The following NLGN4X variants were observed in gnomAD, a reference collection of about 807,000 sequenced individuals.
NLGN4X encodes the protein neuroligin-4, X-linked.
NLGN4X carries 3 observed loss-of-function variants against 40.3 expected under a neutral mutation model. The ratio of observed to expected loss-of-function variants is 0.07; its 90% CI spans 0.03 to 0.19. NLGN4X has a LOEUF of 0.19. Among genes scored for constraint, NLGN4X ranks in the 10% least tolerant of loss-of-function variants. The pLI, the probability that NLGN4X is intolerant of heterozygous loss-of-function variation, is 1.00. For missense variants in NLGN4X, 382 were observed against 708.3 expected (o/e 0.54, Z 5.23); for synonymous variants, 270 against 306.8 (o/e 0.88, Z 1.25).
chrX:6,217,259 C>T (rs1268477261), intron 1 of NLGN4X, among the ~76,000 whole-genome samples: 1 of 111,663 alleles, frequency 9.0e-6, no homozygotes, highest in Non-Finnish European at 1.9e-5. Context: ...TTTATAACAT[C>T]AGGATACATG....
chrX:5,925,851 C>CAT (rs774766613), intron 3 of NLGN4X, among the ~76,000 whole-genome samples: 10,044 of 35,962 alleles, frequency 0.28, 1,477 homozygotes, highest in Non-Finnish European at 0.3. Flanking sequence ...TATACATACA[C>CAT]ATATATATAT....
At chrX:6,182,312 G>T (rs866103089) in intron 1 of NLGN4X, among the ~76,000 whole-genome samples, 1 of 111,758 alleles carries the variant, frequency 8.9e-6, no homozygotes, top group East Asian at 2.8e-4. Flanking sequence ...ATGGAGCAAG[G>T]AGGAGGGAAA....
At chrX:6,081,493 C>A (rs1187582825) in intron 2 of NLGN4X, among the ~76,000 whole-genome samples, 4 of 112,317 alleles carry the variant, frequency 3.6e-5, no homozygotes, top group Non-Finnish European at 7.5e-5. Flanking sequence ...TGGCCTCACT[C>A]CTGGTAAAGG....
At chrX:6,140,031 C>T (rs751873565) in intron 2 of NLGN4X, among the ~76,000 whole-genome samples, 90 of 111,120 alleles carry the variant, frequency 8.1e-4, no homozygotes, top group African/African-American at 2.8e-3. Flanking sequence ...TAGATGTTCC[C>T]TTGTTGAGTG....
chrX:6,075,602 C>T (rs1326758245), intron 2 of NLGN4X, among the ~76,000 whole-genome samples: 1 of 111,167 alleles, frequency 9.0e-6, no homozygotes, highest in Non-Finnish European at 1.9e-5. Context: ...GAGGTGGATC[C>T]CTCATGAGCA....
chrX:6,006,605 C>T (rs1191470732), intron 3 of NLGN4X, among the ~76,000 whole-genome samples: 1 of 111,326 alleles, frequency 9.0e-6, no homozygotes, highest in African/African-American at 3.3e-5. Context: ...CCCAAATGTG[C>T]TTCATTTCAA....
At chrX:6,124,017 T>C (rs1442443979) in intron 2 of NLGN4X, among the ~76,000 whole-genome samples, 1 of 110,555 alleles carries the variant, frequency 9.0e-6, no homozygotes, top group Non-Finnish European at 1.9e-5. Context: ...AATAAATGGA[T>C]ACATAAACTT....
intron 2 of NLGN4X, among the ~76,000 whole-genome samples, chrX:6,129,911 C>T (rs1159841751): frequency 1.9e-5 from 2 of 104,769 alleles, no homozygotes; most frequent in African/African-American, 7.1e-5. Flanking sequence ...TGAGACACAG[C>T]GTCTTGCTCT....
intron 1 of NLGN4X, among the ~76,000 whole-genome samples, chrX:6,162,767 G>A (rs1161643414): frequency 8.9e-6 from 1 of 111,871 alleles, no homozygotes; most frequent in Non-Finnish European, 1.9e-5. Flanking sequence ...AGTAGCAGAT[G>A]TAACTCAAGG....
intron 2 of NLGN4X, among the ~76,000 whole-genome samples, chrX:6,084,256 T>C (rs1267230060): frequency 2.7e-5 from 3 of 111,818 alleles, no homozygotes; most frequent in African/African-American, 6.5e-5. Flanking sequence ...ATTGAAAGGA[T>C]AGAGAACCAG....
chrX:5,920,513 G>C (rs1342459909), intron 3 of NLGN4X, among the ~76,000 whole-genome samples: 1 of 111,960 alleles, frequency 8.9e-6, no homozygotes, highest in Non-Finnish European at 1.9e-5. Flanking sequence ...GTGGCAGTCA[G>C]GGTGGAAGAC....
At chrX:5,988,933 T>G (rs899765770) in intron 3 of NLGN4X, among the ~76,000 whole-genome samples, 2 of 110,395 alleles carry the variant, frequency 1.8e-5, no homozygotes, top group Non-Finnish European at 3.8e-5. Context: ...CTGGGCGTGG[T>G]GGCACGTGCC....
chrX:5,961,624 A>G (rs1388771481), intron 3 of NLGN4X, among the ~76,000 whole-genome samples: 1 of 111,887 alleles, frequency 8.9e-6, no homozygotes, highest in African/African-American at 3.2e-5. Context: ...AATTCCATAA[A>G]AGTCAGCACA....
Position 6,095,440 on chromosome X carries a change from A to T in NLGN4X, c.472+55555T>A, listed in dbSNP as rs2038748349. On this transcript the variant is annotated intron_variant, in intron 2 of 5. Transcript: ENST00000381095. ...AAAGAAGAACTAGCCTTTCCACAAT[A>T]TCTATTGATTAATATGAAATACTAA... Among the ~76,000 whole-genome samples, 5 of 111,921 alleles carry T rather than the reference A, an allele frequency of 4.5e-5. No homozygotes were observed. In the Admixed American group the frequency reaches 4.8e-4, roughly 11 times the overall value.
chrX:5,941,453 A>G (rs1601924217), intron 3 of NLGN4X, among the ~76,000 whole-genome samples: 1 of 111,602 alleles, frequency 9.0e-6, no homozygotes, highest in South Asian at 3.7e-4. Context: ...TGGGATACAA[A>G]TAGGATAAAA....
chrX:6,046,994 ATTAT>A (rs979685382), intron 2 of NLGN4X, among the ~76,000 whole-genome samples: 4 of 108,631 alleles, frequency 3.7e-5, no homozygotes, highest in African/African-American at 1.3e-4. Flanking sequence ...TTATACATAC[ATTAT>A]TTATTTCAAT....
At position 6,167,935 on chromosome X, in the gene NLGN4X, T is replaced by C. The variant is rs765970169; in HGVS notation, c.-305-16164A>G. ...TTTCTTAAATATGTCCGTGGGAAGA[T>C]TTCCTTCTCCCTATCACTTCTTTCT... On this transcript the variant is annotated intron_variant, in intron 1 of 5. Transcript: ENST00000381095. Among the ~76,000 whole-genome samples the C allele has an allele frequency of 4.5e-5, 5 of 111,995 alleles. No individual in the cohort carries two copies. In the East Asian group the frequency reaches 8.4e-4, roughly 19 times the overall value.
intron 2 of NLGN4X, among the ~76,000 whole-genome samples, chrX:6,142,665 CAAG>C (rs1479279781): frequency 8.9e-6 from 1 of 112,108 alleles, no homozygotes; most frequent in Non-Finnish European, 1.9e-5. Flanking sequence ...TGTGTCTAGA[CAAG>C]AAGAGAAAGA....
chrX:6,110,751 A>G (rs976021737), intron 2 of NLGN4X, among the ~76,000 whole-genome samples: 1 of 111,978 alleles, frequency 8.9e-6, no homozygotes, highest in Admixed American at 9.5e-5. Context: ...GCTTCTATGT[A>G]CTTTGAGACT....
Sources: allele counts gnomAD v4.1 joint callset (sites outside exome capture counted in the v4.1 genomes callset), GRCh38; gene constraint gnomAD v4.1.1; transcripts MANE v1.5; gene names NCBI Gene and HGNC (gene_info 2026-07-23, HGNC 2026-07-21).